Variants in DZANK1 observed in about 807,000 individuals in gnomAD.
The protein encoded by DZANK1 is double zinc ribbon and ankyrin repeat domains 1.
DZANK1 carries 91 observed loss-of-function variants against 94.5 expected under a neutral mutation model. The ratio of observed to expected loss-of-function variants is 0.96; its 90% CI spans 0.81 to 1.15. The LOEUF (loss-of-function observed/expected upper bound fraction) is 1.15. DZANK1 is among the 50% of genes most tolerant of loss of function. The pLI, the probability that DZANK1 is intolerant of heterozygous loss-of-function variation, is 0.00. For missense variants in DZANK1, 903 were observed against 916.4 expected (o/e 0.99, Z 0.19); for synonymous variants, 312 against 325.3 (o/e 0.96, Z 0.44).
At chr20:18,438,775 G>A (rs373710483) in intron 8 of DZANK1, among the ~76,000 whole-genome samples, 2 of 152,184 alleles carry the variant, frequency 1.3e-5, no homozygotes, top group South Asian at 2.1e-4. Context: ...GGATGCCAGC[G>A]AATTCAGTAT....
At chr20:18,455,215 C>A (rs1601157231) in intron 4 of DZANK1, 32 bp downstream of exon 4, 1 of 1,525,084 alleles carries the variant, frequency 6.6e-7, no homozygotes, top group Non-Finnish European at 8.9e-7. Flanking sequence ...AATACAGTGA[C>A]AATCTGAATG....
chr20:18,455,403 A>G (rs773514568), intron 3 of DZANK1, 42 bp from the exon 4 acceptor site: 2 of 1,424,064 alleles, frequency 1.4e-6, no homozygotes, highest in Admixed American at 4.5e-5. Flanking sequence ...TGTGTTACAC[A>G]AAGATTTTTT....
At chr20:18,415,399 C>T (rs765344502) in exon 11 of DZANK1, 8 of 1,592,466 alleles carry the variant, frequency 5.0e-6, no homozygotes, top group Middle Eastern at 1.7e-4. Flanking sequence ...AGGAAATGGT[C>T]CCCCCTTTCT....
At chr20:18,458,310 T>C (rs6081150) in intron 3 of DZANK1, among the ~76,000 whole-genome samples, 27,132 of 152,204 alleles carry the variant, frequency 0.18, 2,783 homozygotes, top group Non-Finnish European at 0.23. Context: ...TGTTGTTTTT[T>C]TTAAAGAAGA....
chr20:18,389,801 C>T, exon 19 of DZANK1: 1 of 1,613,998 alleles, frequency 6.2e-7, no homozygotes, highest in South Asian at 1.1e-5. Context: ...GGTCGATTGT[C>T]TTCATCACAG....
In DZANK1 at chr20:18,410,611, T is replaced by A. The variant is rs188485190; in HGVS notation, c.1432+2035A>T. The stretch of plus-strand genomic sequence containing the variant: ...TGTAGATGGATGAAACAATCCAATT[T>A]AAAAAACAAACAAACAGGGATTGTC... On this transcript the variant is annotated intron_variant, in intron 13 of 20. Coordinates refer to ENST00000262547, the Ensembl canonical transcript of DZANK1. Among the ~76,000 whole-genome samples the A allele has an allele frequency of 2.5e-3, 373 of 151,784 alleles. 5 individuals are homozygous for A. Among genetic ancestry groups the A allele is most frequent in the Admixed American group, 0.02 (303 of 15,268 alleles).
intron 2 of DZANK1, among the ~76,000 whole-genome samples, chr20:18,462,155 T>C (rs1222321615): frequency 1.3e-5 from 2 of 152,180 alleles, no homozygotes; most frequent in Non-Finnish European, 2.9e-5. Flanking sequence ...ATACCTATTA[T>C]GTACCAGACA....
intron 6 of DZANK1, 119 bp downstream of exon 6, chr20:18,452,496 C>T (rs2059137919): frequency 2.5e-6 from 3 of 1,221,532 alleles, no homozygotes; most frequent in African/African-American, 1.5e-5. Context: ...ATTCCCAGCA[C>T]TAGAACAGTG....
At chr20:18,394,459 T>A in intron 15 of DZANK1, 109 bp from the exon 16 acceptor site, 1 of 1,054,156 alleles carries the variant, frequency 9.5e-7, no homozygotes, top group South Asian at 1.4e-5. Context: ...CAGCTCTACC[T>A]ACCCAGAGAG....
chr20:18,400,665 A>C (rs1327224542), intron 13 of DZANK1, among the ~76,000 whole-genome samples: 1 of 152,194 alleles, frequency 6.6e-6, no homozygotes, highest in African/African-American at 2.4e-5. Flanking sequence ...GCATCTGGAG[A>C]GTCCACTATG....
chr20:18,399,327 T>G (rs1268616163), intron 13 of DZANK1, among the ~76,000 whole-genome samples: 1 of 152,022 alleles, frequency 6.6e-6, no homozygotes, highest in Non-Finnish European at 1.5e-5. Context: ...CTCCCTTGGC[T>G]CAGATGATCC....
chr20:18,439,596 A>G (rs956873610), intron 8 of DZANK1, among the ~76,000 whole-genome samples: 2 of 152,124 alleles, frequency 1.3e-5, no homozygotes, highest in African/African-American at 4.8e-5. Flanking sequence ...CTACTCTGGG[A>G]TCTCACTAGC....
chr20:18,409,551 T>TACACACACACACAC (rs71194238), intron 13 of DZANK1, among the ~76,000 whole-genome samples: 46 of 142,640 alleles, frequency 3.2e-4, no homozygotes, highest in African/African-American at 1.1e-3. Flanking sequence ...GTAATATGAA[T>TACACACACACACAC]ACACACACAC....
At chr20:18,426,505 G>A (rs1477185093) in intron 10 of DZANK1, among the ~76,000 whole-genome samples, 3 of 152,082 alleles carry the variant, frequency 2.0e-5, no homozygotes, top group African/African-American at 4.8e-5. Flanking sequence ...AGCTTCTTCC[G>A]GTACAAAGCA....
intron 7 of DZANK1, among the ~76,000 whole-genome samples, chr20:18,446,356 C>T (rs1313707630): frequency 6.6e-6 from 1 of 152,128 alleles, no homozygotes; most frequent in Non-Finnish European, 1.5e-5. Context: ...GGAAAATCCT[C>T]CAGTATTTGG....
chr20:18,462,831 C>T (rs942242415), intron 2 of DZANK1, among the ~76,000 whole-genome samples: 6 of 151,180 alleles, frequency 4.0e-5, no homozygotes, highest in African/African-American at 9.7e-5. Flanking sequence ...CCAGCTACTC[C>T]GAAGACTGAG....
chr20:18,448,930 C>T, intron 7 of DZANK1, 54 bp downstream of exon 7: 1 of 1,397,386 alleles, frequency 7.2e-7, no homozygotes, highest in Non-Finnish European at 1.0e-6. Context: ...TTCTCTTTGA[C>T]CATGATGTAT....
At chr20:18,459,757 G>A (rs755718432) in intron 3 of DZANK1, among the ~76,000 whole-genome samples, 7 of 152,108 alleles carry the variant, frequency 4.6e-5, no homozygotes, top group African/African-American at 1.4e-4. Flanking sequence ...AAACGAAATC[G>A]AGAATGACGG....
At chr20:18,414,355 A>G (rs758229681) in exon 12 of DZANK1, 3 of 1,613,758 alleles carry the variant, frequency 1.9e-6, no homozygotes, top group Non-Finnish European at 2.5e-6. Flanking sequence ...CACCTCAGAA[A>G]AAGGGCGAGG....
Sources: allele counts gnomAD v4.1 joint callset (sites outside exome capture counted in the v4.1 genomes callset), GRCh38; gene constraint gnomAD v4.1.1; transcripts MANE v1.5; gene names NCBI Gene and HGNC (gene_info 2026-07-23, HGNC 2026-07-21).